CNOT6L: variants seen among roughly 807,000 people sequenced by gnomAD.
CNOT6L encodes the protein CCR4-NOT transcription complex subunit 6 like.
CNOT6L carries 7 observed loss-of-function variants against 64.0 expected under a neutral mutation model. The ratio of observed to expected loss-of-function variants is 0.11; its 90% CI spans 0.06 to 0.21. The LOEUF (loss-of-function observed/expected upper bound fraction) is 0.21. CNOT6L is among the 10% of genes least tolerant of loss of function. The pLI is 1.00. For missense variants in CNOT6L, 245 were observed against 669.0 expected, an observed-to-expected ratio of 0.37 and a Z score of 6.99; for synonymous variants, 193 against 243.4, an observed-to-expected ratio of 0.79 and a Z score of 1.93.
At chr4:77,734,959 T>C (rs34576298) in intron 8 of CNOT6L, among the ~76,000 whole-genome samples, 12,668 of 152,168 alleles carry the variant, frequency 0.083, 754 homozygotes, top group Non-Finnish European at 0.14. Flanking sequence ...AGTCTCAAGA[T>C]TTGTGTTAAG....
intron 1 of CNOT6L, among the ~76,000 whole-genome samples, chr4:77,788,879 G>A (rs1277193539): frequency 1.3e-5 from 2 of 149,598 alleles, no homozygotes; most frequent in Non-Finnish European, 3.0e-5. Flanking sequence ...TTTAACCTAA[G>A]CCTAAAGACA....
upstream of CNOT6L, chr4:77,819,369 A>G: frequency 1.2e-6 from 2 of 1,606,000 alleles, no homozygotes; most frequent in South Asian, 2.2e-5. Flanking sequence ...AAACACACAC[A>G]CAAACACGCG....
chr4:77,792,725 T>TAAAA (rs77060039), intron 1 of CNOT6L, among the ~76,000 whole-genome samples: 2 of 124,110 alleles, frequency 1.6e-5, no homozygotes, highest in Non-Finnish European at 1.6e-5. Context: ...GACTCTGCCT[T>TAAAA]AAAAAAAAAA....
intron 7 of CNOT6L, among the ~76,000 whole-genome samples, chr4:77,743,151 TATGAC>T (rs1280058046): frequency 1.3e-5 from 2 of 152,202 alleles, no homozygotes; most frequent in Non-Finnish European, 2.9e-5. Flanking sequence ...ACAACTATCT[TATGAC>T]ATGAAATTAG....
intron 8 of CNOT6L, among the ~76,000 whole-genome samples, chr4:77,732,944 A>G (rs1252257664): frequency 6.6e-6 from 1 of 152,114 alleles, no homozygotes; most frequent in Non-Finnish European, 1.5e-5. Context: ...AGCAGATTAG[A>G]AAGTTTGTGA....
intron 1 of CNOT6L, among the ~76,000 whole-genome samples, chr4:77,812,643 C>G (rs1261765693): frequency 1.3e-5 from 2 of 151,802 alleles, no homozygotes; most frequent in African/African-American, 2.4e-5. Flanking sequence ...AACTTATATT[C>G]TGAAAACTAT....
intron 1 of CNOT6L, among the ~76,000 whole-genome samples, chr4:77,807,643 C>T (rs1333637637): frequency 6.6e-6 from 1 of 152,142 alleles, no homozygotes; most frequent in Non-Finnish European, 1.5e-5. Flanking sequence ...GTAAGTCACT[C>T]ACTACAGCTA....
Position 77,809,231 on chromosome 4 carries a change from T to C in CNOT6L, c.5+10073A>G, listed in dbSNP as rs539760626. On this transcript the variant is annotated intron_variant, in intron 1 of 11. Transcript: ENST00000504123. ...AATGAGAATCATACTGCCTCTCTCATAGGATTTTCATGAAGAATAATTTAG... is the reference window on the plus strand; with the variant it reads ...AATGAGAATCATACTGCCTCTCTCACAGGATTTTCATGAAGAATAATTTAG... 1.3e-4 allele frequency among the ~76,000 whole-genome samples: 20 copies of C among 152,226 alleles called. No homozygotes were observed. In the South Asian group the frequency reaches 4.1e-3, roughly 32 times the overall value.
At chr4:77,774,770 C>A in intron 2 of CNOT6L, 54 bp from the exon 3 acceptor site, 1 of 1,177,076 alleles carries the variant, frequency 8.5e-7, no homozygotes, top group South Asian at 1.8e-5. Flanking sequence ...AAGATGACAC[C>A]TAAACTACAA....
intron 1 of CNOT6L, among the ~76,000 whole-genome samples, chr4:77,778,404 C>T (rs1240530459): frequency 6.7e-6 from 1 of 148,582 alleles, no homozygotes; most frequent in Non-Finnish European, 1.5e-5. Flanking sequence ...AATTTTAGAT[C>T]TTTTTTTTTT....
chr4:77,766,832 G>A (rs1368346850), intron 4 of CNOT6L, among the ~76,000 whole-genome samples: 1 of 151,738 alleles, frequency 6.6e-6, no homozygotes, highest in African/African-American at 2.4e-5. Flanking sequence ...GAGAGGCAAA[G>A]GAGGGTGGAT....
chr4:77,801,624 A>G (rs1314565789), intron 1 of CNOT6L, among the ~76,000 whole-genome samples: 1 of 133,154 alleles, frequency 7.5e-6, no homozygotes, highest in African/African-American at 2.9e-5. Flanking sequence ...CACTTGAGGA[A>G]TATTTATTTT....
intron 5 of CNOT6L, among the ~76,000 whole-genome samples, chr4:77,749,346 C>T (rs577834780): frequency 6.6e-6 from 1 of 152,266 alleles, no homozygotes; most frequent in Admixed American, 6.5e-5. Context: ...GTTCAACATA[C>T]TGAATCCCAG....
At chr4:77,769,554 T>C (rs923888446) in intron 4 of CNOT6L, among the ~76,000 whole-genome samples, 5 of 152,132 alleles carry the variant, frequency 3.3e-5, no homozygotes, top group East Asian at 1.9e-4. Context: ...CTTTTTCTTA[T>C]TGATTTTTAG....
intron 8 of CNOT6L, among the ~76,000 whole-genome samples, chr4:77,739,520 A>T (rs1436952613): frequency 6.6e-6 from 1 of 152,246 alleles, no homozygotes; most frequent in Non-Finnish European, 1.5e-5. Flanking sequence ...GAAAGAATAA[A>T]GGCAGGGTAT....
At chr4:77,752,413 G>C (rs922586076) in intron 5 of CNOT6L, among the ~76,000 whole-genome samples, 1 of 152,010 alleles carries the variant, frequency 6.6e-6, no homozygotes, top group African/African-American at 2.4e-5. Flanking sequence ...CTAACATATA[G>C]GATACTGCAT....
At chr4:77,796,713 T>C (rs1487501811) in intron 1 of CNOT6L, among the ~76,000 whole-genome samples, 4 of 152,158 alleles carry the variant, frequency 2.6e-5, no homozygotes, top group African/African-American at 9.7e-5. Flanking sequence ...AATAAGGTAC[T>C]GACAAAGATT....
At chr4:77,757,882 T>C (rs755054340) in intron 4 of CNOT6L, among the ~76,000 whole-genome samples, 1 of 152,188 alleles carries the variant, frequency 6.6e-6, no homozygotes, top group Non-Finnish European at 1.5e-5. Context: ...GTATTTTTAG[T>C]AGAGACAAGG....
At chr4:77,808,509 G>A (rs1279901816) in intron 1 of CNOT6L, among the ~76,000 whole-genome samples, 1 of 151,154 alleles carries the variant, frequency 6.6e-6, no homozygotes, top group Non-Finnish European at 1.5e-5. Flanking sequence ...GAAGCTTGCT[G>A]TCTCCTATCC....
Sources: gnomAD v4.1 joint callset for allele counts (sites outside exome capture counted in the v4.1 genomes callset) on GRCh38, gnomAD v4.1.1 for gene constraint, MANE v1.5 for transcripts, NCBI Gene and HGNC (gene_info 2026-07-23, HGNC 2026-07-21) for gene names.